Variants in FANCA observed in about 807,000 individuals in gnomAD.
FANCA encodes Fanconi anemia group A protein.
Under a neutral mutation model 194.3 loss-of-function variants are expected in FANCA, and 236 were observed. The observed-to-expected ratio is 1.21, with a 90% CI of 1.09 to 1.35. The LOEUF (loss-of-function observed/expected upper bound fraction) is 1.35, where lower values mean the gene tolerates loss of function less well. FANCA is among the 40% of genes most tolerant of loss of function. The pLI, the probability that FANCA is intolerant of heterozygous loss-of-function variation, is 0.00. For synonymous variants in FANCA, 1,014 were observed against 715.8 expected (o/e 1.42, Z -6.65); for missense variants, 2,628 against 1,813.9 (o/e 1.45, Z -8.15).
intron 6 of FANCA, 63 bp from the exon 7 acceptor site, chr16:89,805,455 T>G: frequency 7.4e-7 from 1 of 1,352,136 alleles, no homozygotes; most frequent in South Asian, 1.2e-5. Flanking sequence ...GGGATTGAGT[T>G]GAGCCATATG....
At chr16:89,758,177 A>G (rs923660475) in intron 30 of FANCA, among the ~76,000 whole-genome samples, 1 of 152,206 alleles carries the variant, frequency 6.6e-6, no homozygotes. Context: ...GCTTCTGACA[A>G]GTCTATACAC....
chr16:89,767,536 T>G (rs1224375952), intron 26 of FANCA, among the ~76,000 whole-genome samples: 1 of 151,978 alleles, frequency 6.6e-6, no homozygotes, highest in Non-Finnish European at 1.5e-5. Flanking sequence ...CCCAGCTGAT[T>G]CTGTTGTAGT....
chr16:89,739,015 C>A (rs781273405), intron 41 of FANCA, 41 bp from the exon 42 acceptor site: 1 of 1,614,016 alleles, frequency 6.2e-7, no homozygotes, highest in Admixed American at 1.7e-5. Flanking sequence ...AGAAGACATA[C>A]AGAAACAGGG....
At chr16:89,815,049 T>C (rs1208130184) in intron 2 of FANCA, among the ~76,000 whole-genome samples, 4 of 152,216 alleles carry the variant, frequency 2.6e-5, no homozygotes, top group Non-Finnish European at 4.4e-5. Context: ...TTTCCTTTTT[T>C]TCTTTTTTGA....
At chr16:89,773,506 C>T (rs935217090) in intron 21 of FANCA, 122 bp from the exon 22 acceptor site, 50 of 756,344 alleles carry the variant, frequency 6.6e-5, no homozygotes, top group East Asian at 2.7e-5. Context: ...GTGTGGCAGA[C>T]GGAGGGACTG....
chr16:89,812,203 G>C (rs1229242799), intron 3 of FANCA, among the ~76,000 whole-genome samples: 2 of 151,744 alleles, frequency 1.3e-5, no homozygotes, highest in East Asian at 3.9e-4. Context: ...GCCAGGTTTG[G>C]TGACGGGAGC....
Position 89,737,620 on chromosome 16 carries a change from C to CAGTGT in FANCA, c.*976_*980dup, listed in dbSNP as rs1470442371. ...GCACACAGCTGATGAAGCCACGTGA[C>CAGTGT]AGTGTATAAAGCAGTTTAAAGATCT... On this transcript the variant is annotated 3_prime_UTR_variant, in exon 43 of 43. Coordinates refer to ENST00000389301, the MANE Select transcript of FANCA (RefSeq NM_000135.4). 2 of 1,135,250 alleles carry CAGTGT rather than the reference C, an allele frequency of 1.8e-6. No homozygotes were observed. Among genetic ancestry groups the CAGTGT allele is most frequent in the African/African-American group, 3.1e-5 (2 of 63,688 alleles). The allele number at this position is 1,135,250 out of a possible 1,614,324, so 70.3% of individuals were successfully genotyped here. A position where few individuals can be genotyped will look rare whatever the true frequency, so the allele number is the denominator to read the frequency against.
intron 33 of FANCA, among the ~76,000 whole-genome samples, chr16:89,747,920 C>G (rs2143119736): frequency 6.6e-6 from 1 of 152,156 alleles, no homozygotes; most frequent in East Asian, 1.9e-4. Flanking sequence ...AGTGTCACTT[C>G]TTTTTATTTG....
Position 89,746,634 on chromosome 16 carries a change from T to C in FANCA, c.3463A>G (p.Ile1155Val). The C allele has an allele frequency of 6.2e-7, 1 of 1,614,146 alleles. No homozygotes were observed. The change falls in exon 35 of 43, where the codon ATA becomes GTA. Residue 1155 changes from isoleucine (I) to valine (V), a missense_variant. Transcript: ENST00000389301. ...CATTTCGTCTGGCACTTGGCCAGTA[T>C]GAAGTCGACCATCAGGGAGGGGTCT... ...SRDPSLMVDFILAKCQTKCPL... is the reference protein window; with the variant it reads ...SRDPSLMVDFVLAKCQTKCPL...
rs1285413402 is a variant in FANCA, at chr16:89,769,961, A to C, written c.2380T>G (p.Ser794Ala). The C allele has an allele frequency of 6.2e-7, 1 of 1,613,954 alleles. No homozygotes were observed. The highest frequency in any genetic ancestry group is 2.2e-5 in the East Asian group (1 of 44,866). ...TCCACCTCTGGGAGCGCAGACCTGG[A>C]CTCACCCAGGTGCACGGCCAGGGCA... ...LAALAVHLGE[S>A]RSALPEVDVG... The change falls in exon 26 of 43, where the codon TCC (serine) becomes GCC (alanine). Residue 794 changes from serine (S) to alanine (A), a missense_variant. Physicochemically the swap from Ser to Ala is moderately conservative, Grantham distance 99. Coordinates refer to ENST00000389301, the MANE Select transcript of FANCA (RefSeq NM_000135.4).
intron 30 of FANCA, among the ~76,000 whole-genome samples, chr16:89,755,392 T>C (rs2038735035): frequency 6.6e-6 from 1 of 151,760 alleles, no homozygotes; most frequent in Admixed American, 6.6e-5. Context: ...TTTTGTATTT[T>C]TTTAGTTTCG....
chr16:89,755,425 G>A (rs1286460752), intron 30 of FANCA, among the ~76,000 whole-genome samples: 2 of 151,580 alleles, frequency 1.3e-5, no homozygotes, highest in African/African-American at 2.4e-5. Context: ...GGCTGGTCTC[G>A]AACTCCTGAC....
chr16:89,745,480 C>T (rs1290789586), intron 35 of FANCA, among the ~76,000 whole-genome samples: 1 of 142,368 alleles, frequency 7.0e-6, no homozygotes, highest in Admixed American at 6.8e-5. Flanking sequence ...AGTGAAGGGA[C>T]CACACTCCTC....
At chr16:89,773,755 G>A (rs1419104179) in intron 21 of FANCA, among the ~76,000 whole-genome samples, 1 of 151,096 alleles carries the variant, frequency 6.6e-6, no homozygotes, top group East Asian at 1.9e-4. Flanking sequence ...TGACCATTTA[G>A]TCCCCTGGTT....
At chr16:89,765,895 G>C (rs990665092) in intron 27 of FANCA, among the ~76,000 whole-genome samples, 5 of 152,218 alleles carry the variant, frequency 3.3e-5, no homozygotes, top group African/African-American at 1.2e-4. Flanking sequence ...GCTGCTCCCA[G>C]ATTCTGACTT....
At chr16:89,742,971 C>T (rs2062173307) in intron 36 of FANCA, 33 bp from the exon 37 acceptor site, 1 of 1,605,496 alleles carries the variant, frequency 6.2e-7, no homozygotes, top group African/African-American at 1.3e-5. Context: ...ATTGCAGGGC[C>T]TTACAACCAT....
chr16:89,778,276 G>A (rs373865337), intron 20 of FANCA: 1 of 233,698 alleles, frequency 4.3e-6, no homozygotes, highest in Admixed American at 5.5e-5. Context: ...GAACCGCCTG[G>A]CCAATATGGC....
At chr16:89,798,290 G>A (rs772652566) in intron 10 of FANCA, 31 of 980,060 alleles carry the variant, frequency 3.2e-5, no homozygotes, top group Middle Eastern at 4.9e-4. Context: ...CACATCTGCC[G>A]TCCACACCGC....
Position 89,737,909 on chromosome 16 carries a change from AGT to A in FANCA, c.*690_*691del. 1 of 1,587,154 alleles carries A rather than the reference AGT, an allele frequency of 6.3e-7. No homozygotes were observed. Among genetic ancestry groups the A allele is most frequent in the South Asian group, 1.1e-5 (1 of 89,762 alleles). On this transcript the variant is annotated 3_prime_UTR_variant, in exon 43 of 43. Coordinates refer to ENST00000389301, the MANE Select transcript of FANCA (RefSeq NM_000135.4). ...ATTCGGGAGCCAAGCCTTTGCAGTAAGTGTGAGTCAGGACCCCCTCCCAGGGC... is the reference window on the plus strand; with the variant it reads ...ATTCGGGAGCCAAGCCTTTGCAGTAAGTGAGTCAGGACCCCCTCCCAGGGC...
Sources: gnomAD v4.1 joint callset for allele counts (sites outside exome capture counted in the v4.1 genomes callset) on GRCh38, gnomAD v4.1.1 for gene constraint, MANE v1.5 for transcripts, NCBI Gene and HGNC (gene_info 2026-07-23, HGNC 2026-07-21) for gene names.